RBFOX1: variants seen among roughly 807,000 people sequenced by gnomAD.
RBFOX1 encodes the protein RNA binding fox-1 homolog 1, also known as RNA binding protein fox-1 homolog 1.
Under a neutral mutation model 57.7 loss-of-function variants are expected in RBFOX1, and 8 were observed. That is an observed-to-expected ratio of 0.14 (90% CI 0.08 to 0.25). The LOEUF (loss-of-function observed/expected upper bound fraction) is 0.25, where lower values mean the gene tolerates loss of function less well. Ranked by LOEUF, RBFOX1 falls within the 10% of genes least tolerant of loss-of-function variation. The pLI is 1.00. For synonymous variants in RBFOX1, 326 were observed against 222.4 expected, an observed-to-expected ratio of 1.47 and a Z score of -4.15; for missense variants, 611 against 548.5, an observed-to-expected ratio of 1.11 and a Z score of -1.14.
chr16:6,851,070 A>T (rs1007440212), intron 3 of RBFOX1, among the ~76,000 whole-genome samples: 4 of 152,244 alleles, frequency 2.6e-5, no homozygotes, highest in African/African-American at 9.6e-5. Context: ...TGATAGACAC[A>T]CAACAACTAG....
intron 2 of RBFOX1, among the ~76,000 whole-genome samples, chr16:5,577,077 G>C (rs977925764): frequency 6.6e-6 from 1 of 152,276 alleles, no homozygotes; most frequent in African/African-American, 2.4e-5. Context: ...TCTAATGCAG[G>C]ATACTGTCAG....
At chr16:7,074,952 G>T (rs2058035182) in intron 4 of RBFOX1, among the ~76,000 whole-genome samples, 1 of 152,162 alleles carries the variant, frequency 6.6e-6, no homozygotes, top group Non-Finnish European at 1.5e-5. Context: ...AGGTTGGGAA[G>T]AGGTAGGGGA....
intron 3 of RBFOX1, among the ~76,000 whole-genome samples, chr16:6,889,785 G>T (rs1244697351): frequency 6.6e-6 from 1 of 152,158 alleles, no homozygotes. Context: ...CCAAAGGTTG[G>T]GTGAGATTTT....
intron 3 of RBFOX1, among the ~76,000 whole-genome samples, chr16:6,931,376 TATAC>T (rs1367313301): frequency 2.6e-5 from 4 of 151,288 alleles, no homozygotes; most frequent in African/African-American, 9.8e-5. Context: ...CATACACATA[TATAC>T]ATACATATAT....
intron 1 of RBFOX1, among the ~76,000 whole-genome samples, chr16:6,062,724 A>ACTAT (rs1364276491): frequency 5.3e-5 from 8 of 151,752 alleles, no homozygotes; most frequent in African/African-American, 1.9e-4. Flanking sequence ...CATTTATATC[A>ACTAT]CTATCTCAAG....
intron 1 of RBFOX1, among the ~76,000 whole-genome samples, chr16:6,106,134 A>G (rs2096375487): frequency 6.6e-6 from 1 of 152,068 alleles, no homozygotes; most frequent in Non-Finnish European, 1.5e-5. Context: ...AAGGATTGAA[A>G]TTGTCTGTAT....
At chr16:7,158,629 A>T (rs1447796822) in intron 4 of RBFOX1, among the ~76,000 whole-genome samples, 1 of 151,052 alleles carries the variant, frequency 6.6e-6, no homozygotes, top group African/African-American at 2.4e-5. Flanking sequence ...ATGTGTCTGC[A>T]TGTGTGTGTT....
At chr16:6,877,745 T>G (rs989327637) in intron 3 of RBFOX1, among the ~76,000 whole-genome samples, 25 of 152,164 alleles carry the variant, frequency 1.6e-4, no homozygotes, top group African/African-American at 5.3e-4. Flanking sequence ...AAGAATTATT[T>G]CTGTAGGACT....
chr16:7,620,159 A>AT (rs1596625519), intron 10 of RBFOX1, among the ~76,000 whole-genome samples: 1 of 152,364 alleles, frequency 6.6e-6, no homozygotes, highest in East Asian at 1.9e-4. Context: ...ATTGTTTTAG[A>AT]TACCCAATAA....
rs116245232 is a variant in RBFOX1 at position 6,642,724 on chromosome 16, T to C, written c.-63-11879T>C. ...GTCTTTATTTGCATAATAGTTTGGT[T>C]GGGGATCGTTTTGTAGTTGTTCTGG... On this transcript the variant is annotated intron_variant, in intron 2 of 15. Coordinates refer to ENST00000550418, the MANE Select transcript of RBFOX1 (RefSeq NM_018723.4). Among the ~76,000 whole-genome samples the C allele has an allele frequency of 9.8e-3, 1,491 of 152,236 alleles. 30 individuals are homozygous for C. Among genetic ancestry groups the C allele is most frequent in the African/African-American group, 0.034 (1,409 of 41,554 alleles).
chr16:5,443,150 C>T (rs1469867292), intron 1 of RBFOX1, among the ~76,000 whole-genome samples: 2 of 152,100 alleles, frequency 1.3e-5, no homozygotes, highest in African/African-American at 2.4e-5. Context: ...GAATAAATTT[C>T]TGTTGTAAAG....
intron 1 of RBFOX1, among the ~76,000 whole-genome samples, chr16:5,457,771 G>A (rs551206673): frequency 6.2e-4 from 94 of 152,286 alleles, no homozygotes; most frequent in Middle Eastern, 3.4e-3. Context: ...TCACTTCCTG[G>A]TACTTATTTT....
At chr16:6,246,473 C>G (rs1320666690) in intron 1 of RBFOX1, among the ~76,000 whole-genome samples, 2 of 152,120 alleles carry the variant, frequency 1.3e-5, no homozygotes, top group Non-Finnish European at 2.9e-5. Context: ...CTGGGAAGGA[C>G]TCCAGTTGGC....
rs2060507927 is a variant in RBFOX1, at chr16:7,628,994, T to A, written c.677-1609T>A. Among the ~76,000 whole-genome samples, 3 of 152,228 alleles carry A rather than the reference T, an allele frequency of 2.0e-5. No homozygotes were observed. The South Asian group carries it at 6.2e-4, about 32-fold the overall frequency. Reference sequence around the variant, plus strand: ...TACTGACACTCCGCCAGACTCTTGATATATTTACTACCCAGAGAAGGTTAG... The same window carrying A: ...TACTGACACTCCGCCAGACTCTTGAAATATTTACTACCCAGAGAAGGTTAG... On this transcript the variant is annotated intron_variant, in intron 10 of 15. Coordinates refer to ENST00000550418, the MANE Select transcript of RBFOX1 (RefSeq NM_018723.4).
At chr16:7,460,719 A>G (rs1445588775) in intron 4 of RBFOX1, among the ~76,000 whole-genome samples, 2 of 151,944 alleles carry the variant, frequency 1.3e-5, no homozygotes, top group African/African-American at 2.4e-5. Flanking sequence ...AACTTAAAAA[A>G]TTTTAAACAA....
In RBFOX1 at chr16:6,323,686, A is replaced by T. The variant is rs74580743; in HGVS notation, c.-64+6629A>T. Among the ~76,000 whole-genome samples the T allele has an allele frequency of 7.9e-3, 1,203 of 152,222 alleles. 10 individuals carry two copies. Among genetic ancestry groups the T allele is most frequent in the African/African-American group, 0.024 (999 of 41,540 alleles). On this transcript the variant is annotated intron_variant, in intron 2 of 15. Transcript: ENST00000550418. ...GCTGTCTTTTGAAAACATTATTTATATGTTTATTAATTTTTCAATTTGCAT... is the reference window on the plus strand; with the variant it reads ...GCTGTCTTTTGAAAACATTATTTATTTGTTTATTAATTTTTCAATTTGCAT...
intron 3 of RBFOX1, among the ~76,000 whole-genome samples, chr16:6,946,813 C>T (rs916081698): frequency 1.1e-4 from 16 of 152,230 alleles, no homozygotes; most frequent in African/African-American, 3.6e-4. Flanking sequence ...CACTGTATTG[C>T]CCAAGGCTGG....
chr16:6,969,572 A>C (rs1302317896), intron 3 of RBFOX1, among the ~76,000 whole-genome samples: 1 of 151,062 alleles, frequency 6.6e-6, no homozygotes, highest in Non-Finnish European at 1.5e-5. Context: ...TCGTCTCTAC[A>C]AAAAATAAAA....
intron 14 of RBFOX1, among the ~76,000 whole-genome samples, chr16:7,706,858 T>C (rs2082616749): frequency 6.6e-6 from 1 of 152,250 alleles, no homozygotes; most frequent in Non-Finnish European, 1.5e-5. Flanking sequence ...TCTAGTTAAG[T>C]GGGTAAAGGC....
Sources: gnomAD v4.1 joint callset for allele counts (sites outside exome capture counted in the v4.1 genomes callset) on GRCh38, gnomAD v4.1.1 for gene constraint, MANE v1.5 for transcripts, NCBI Gene and HGNC (gene_info 2026-07-23, HGNC 2026-07-21) for gene names.